The following SMARCD3 variants were observed in gnomAD, a reference collection of about 807,000 sequenced individuals.
The protein encoded by SMARCD3 is SWI/SNF-related matrix-associated actin-dependent regulator of chromatin subfamily D member 3.
A neutral mutation model predicts 58.0 loss-of-function variants in SMARCD3; 14 were observed. The observed-to-expected ratio is 0.24, with a 90% CI of 0.16 to 0.38. The LOEUF (loss-of-function observed/expected upper bound fraction) is 0.38, where lower values mean the gene tolerates loss of function less well. SMARCD3 is among the 10% of genes least tolerant of loss of function. The pLI, the probability that SMARCD3 is intolerant of heterozygous loss-of-function variation, is 1.00. For synonymous variants in SMARCD3, 253 were observed against 253.8 expected (o/e 1.00, Z 0.03); for missense variants, 408 against 636.9 (o/e 0.64, Z 3.87).
At chr7:151,264,952 G>A (rs1209524991) in intron 2 of SMARCD3, among the ~76,000 whole-genome samples, 11 of 152,336 alleles carry the variant, frequency 7.2e-5, no homozygotes, top group East Asian at 5.8e-4. Context: ...GCAGGGAGTC[G>A]ACCTGTCCCT....
At chr7:151,267,846 G>A (rs1272508609) in intron 2 of SMARCD3, among the ~76,000 whole-genome samples, 1 of 152,168 alleles carries the variant, frequency 6.6e-6, no homozygotes, top group South Asian at 2.1e-4. Flanking sequence ...GTATGGTGGT[G>A]CACACCTGTA....
At position 151,248,626 on chromosome 7, in the gene SMARCD3, C is replaced by CTT; in HGVS notation, c.-66_-65dup. 2.5e-6 allele frequency: 4 copies of CTT among 1,587,772 alleles called. No individual in the cohort carries two copies. The highest frequency in any genetic ancestry group is 2.6e-6 in the Non-Finnish European group (3 of 1,162,504). The stretch of plus-strand genomic sequence containing the variant: ...CTTCCTCTTTCTTTCCCTTTTCTGC[C>CTT]TTTTTTTTTCCTCCAACTCTCCCCT... On this transcript the variant is annotated 5_prime_UTR_variant, in exon 1 of 13. Coordinates refer to ENST00000262188, the MANE Select transcript of SMARCD3 (RefSeq NM_001003801.2). The surrounding 1 kb of genome is among the most constrained non-coding windows in gnomAD (Gnocchi z 6.1).
intron 2 of SMARCD3, among the ~76,000 whole-genome samples, chr7:151,267,908 T>C (rs7783320): frequency 4.6e-5 from 7 of 152,116 alleles, no homozygotes; most frequent in African/African-American, 1.7e-4. Context: ...GCCCAGGATG[T>C]TGAGGCTGCA....
Position 151,243,588 on chromosome 7 carries a change from T to A in SMARCD3, c.333+71A>T. ...GACTGTGATGCTGAAGCTCTGCTTC[T>A]GAGGGGGGAGGGGAGGGCGGAGCAG... On this transcript the variant is annotated intron_variant, in intron 3 of 12. Transcript: ENST00000262188. The surrounding 1 kb of genome is among the most constrained non-coding windows in gnomAD (Gnocchi z 4.4). 1.2e-6 allele frequency: 1 copy of A among 814,790 alleles called. No individual in the cohort carries two copies. Among genetic ancestry groups the A allele is most frequent in the Non-Finnish European group, 2.1e-6 (1 of 477,682 alleles). 50.5% of individuals were successfully genotyped at this position (814,790 alleles called of 1,614,324 possible).
chr7:151,253,586 G>C (rs973897177), upstream of SMARCD3, among the ~76,000 whole-genome samples: 1 of 66 alleles, frequency 0.015, no homozygotes, highest in East Asian at 0.17. Context: ...GCAGGAGAGC[G>C]GGGCTGGGCG....
At chr7:151,263,072 C>A (rs548849275) in intron 2 of SMARCD3, among the ~76,000 whole-genome samples, 10 of 152,208 alleles carry the variant, frequency 6.6e-5, no homozygotes, top group Admixed American at 3.3e-4. Flanking sequence ...CTTAACCCAC[C>A]TTATAAGTGG....
chr7:151,270,434 A>C lies in SMARCD3; in HGVS notation c.39+4680T>G, dbSNP rs548985098. The stretch of plus-strand genomic sequence containing the variant: ...GCCTCACACATTTGCTCATTCATTC[A>C]AGAAATACTTCTCTGTACTGTGTGG... On this transcript the variant is annotated intron_variant, in intron 2 of 13. Transcript: ENST00000356800. Among the ~76,000 whole-genome samples, 43 of 152,322 alleles carry C rather than the reference A, an allele frequency of 2.8e-4. 1 individual carries two copies. The South Asian group carries it at 8.5e-3, about 30-fold the overall frequency.
intron 2 of SMARCD3, among the ~76,000 whole-genome samples, chr7:151,266,727 T>C (rs1304889216): frequency 6.6e-6 from 1 of 152,180 alleles, no homozygotes; most frequent in African/African-American, 2.4e-5. Flanking sequence ...GTTTGTTTGT[T>C]TTTTGAGATA....
chr7:151,270,482 C>T (rs1254456896), intron 2 of SMARCD3, among the ~76,000 whole-genome samples: 1 of 152,116 alleles, frequency 6.6e-6, no homozygotes, highest in Admixed American at 6.6e-5. Context: ...GCAGCCATGC[C>T]TTTAAGGAGC....
In SMARCD3 at chr7:151,241,093, T is replaced by G; in HGVS notation, c.939+399A>C. The G allele has an allele frequency of 3.7e-6, 1 of 269,216 alleles. No individual in the cohort carries two copies. Among genetic ancestry groups the G allele is most frequent in the Non-Finnish European group, 7.2e-6 (1 of 139,524 alleles). The allele number at this position is 269,216 out of a possible 1,614,324, so 16.7% of individuals were successfully genotyped here. A position where few individuals can be genotyped will look rare whatever the true frequency, so the allele number is the denominator to read the frequency against. ...TGATTTTCCTAACTGCCCAGGAGAGTAGATAGGACAGGTATTGTCACTCCA... is the reference window on the plus strand; with the variant it reads ...TGATTTTCCTAACTGCCCAGGAGAGGAGATAGGACAGGTATTGTCACTCCA... On this transcript the variant is annotated intron_variant, in intron 8 of 12. Coordinates refer to ENST00000262188, the MANE Select transcript of SMARCD3 (RefSeq NM_001003801.2). The surrounding 1 kb of genome is among the most constrained non-coding windows in gnomAD (Gnocchi z 5.3).
upstream of SMARCD3, among the ~76,000 whole-genome samples, chr7:151,251,406 C>G (rs2150601401): frequency 6.6e-6 from 1 of 152,340 alleles, no homozygotes; most frequent in African/African-American, 2.4e-5. Flanking sequence ...TTGAGCACCT[C>G]CACATCCCGT....
upstream of SMARCD3, among the ~76,000 whole-genome samples, chr7:151,250,008 C>G (rs909996429): frequency 6.6e-6 from 1 of 152,036 alleles, no homozygotes; most frequent in African/African-American, 2.4e-5. Flanking sequence ...CTGTGAGAAT[C>G]CAGGTGAGGG....
intron 1 of SMARCD3, among the ~76,000 whole-genome samples, chr7:151,275,703 C>T (rs1490241186): frequency 1.3e-5 from 2 of 152,132 alleles, no homozygotes; most frequent in Non-Finnish European, 2.9e-5. Context: ...TCAGCCTGCT[C>T]CATGACTACC....
In SMARCD3 at chr7:151,240,789, T is replaced by C; in HGVS notation, c.940-267A>G. The C allele has an allele frequency of 6.4e-6, 3 of 466,832 alleles. No homozygotes were observed. In the South Asian group the frequency reaches 7.0e-5, roughly 11 times the overall value. The allele number at this position is 466,832 out of a possible 1,614,324, so 28.9% of individuals were successfully genotyped here. ...TATGTATCAGTCCTGCCTCTGCCAC[T>C]TACTATGCAACCTGGAGCAAGTTAA... On this transcript the variant is annotated intron_variant, in intron 8 of 12. Coordinates refer to ENST00000262188, the MANE Select transcript of SMARCD3 (RefSeq NM_001003801.2).
rs1803033572 is a variant in SMARCD3, at chr7:151,242,295, G to A, written c.580-63C>T. 1 of 1,462,980 alleles carries A rather than the reference G, an allele frequency of 6.8e-7. No individual in the cohort carries two copies. The highest frequency in any genetic ancestry group is 9.6e-7 in the Non-Finnish European group (1 of 1,042,662). The allele number at this position is 1,462,980 out of a possible 1,614,324, so 90.6% of individuals were successfully genotyped here. ...GGACGAGGTGGGAGGAGCAGAAGGA[G>A]GCCAAGTTGGCAGCCGACAGGGCAG... On this transcript the variant is annotated intron_variant, in intron 5 of 12. Transcript: ENST00000262188. This position sits in a 1 kb window ranked among gnomAD's most constrained non-coding sequence, Gnocchi z 4.7.
chr7:151,240,007 A>G, intron 10 of SMARCD3, 105 bp downstream of exon 10: 1 of 1,000,146 alleles, frequency 1.0e-6, no homozygotes, highest in East Asian at 2.7e-5. Flanking sequence ...TTTTTTTTTT[A>G]ATTTAACCCA....
Position 151,242,310 on chromosome 7 carries a change from C to A in SMARCD3, c.580-78G>T, listed in dbSNP as rs219228. The A allele has an allele frequency of 0.83, 1,175,654 of 1,420,844 alleles. 486,929 individuals are homozygous for A. Among genetic ancestry groups the A allele is most frequent in the South Asian group, 0.86 (75,064 of 87,120 alleles). The allele number at this position is 1,420,844 out of a possible 1,614,324, so 88.0% of individuals were successfully genotyped here. A position where few individuals can be genotyped will look rare whatever the true frequency, so the allele number is the denominator to read the frequency against. Reference sequence around the variant, plus strand: ...AGCAGAAGGAGGCCAAGTTGGCAGCCGACAGGGCAGTGGGCTTAGATGAAA... The same window carrying A: ...AGCAGAAGGAGGCCAAGTTGGCAGCAGACAGGGCAGTGGGCTTAGATGAAA... On this transcript the variant is annotated intron_variant, in intron 5 of 12. Transcript: ENST00000262188. The surrounding 1 kb of genome is among the most constrained non-coding windows in gnomAD (Gnocchi z 4.7).
upstream of SMARCD3, among the ~76,000 whole-genome samples, chr7:151,251,338 C>G (rs954912390): frequency 6.6e-6 from 1 of 152,194 alleles, no homozygotes; most frequent in Non-Finnish European, 1.5e-5. Flanking sequence ...AGCAGGCACA[C>G]CAATACAAGC....
chr7:151,248,860 C>T (rs1434161671), upstream of SMARCD3: 5 of 204,354 alleles, frequency 2.4e-5, no homozygotes, highest in Non-Finnish European at 4.4e-5. This position sits in a 1 kb window ranked among gnomAD's most constrained non-coding sequence, Gnocchi z 6.1. Flanking sequence ...ACGGGGCCGC[C>T]TGCCTTTCCA....
Sources: gnomAD v4.1 joint callset for allele counts (sites outside exome capture counted in the v4.1 genomes callset) on GRCh38, gnomAD v4.1.1 for gene constraint, Gnocchi (gnomAD v3.1) non-coding constraint, MANE v1.5 for transcripts, NCBI Gene and HGNC (gene_info 2026-07-23, HGNC 2026-07-21) for gene names.